The following PIWIL2 variants were observed in gnomAD, a reference collection of about 807,000 sequenced individuals.
The protein encoded by PIWIL2 is piwi like RNA-mediated gene silencing 2, also known as piwi-like protein 2.
PIWIL2 carries 81 observed loss-of-function variants against 116.5 expected under a neutral mutation model. That is an observed-to-expected ratio of 0.70 (90% CI 0.58 to 0.84). The LOEUF (loss-of-function observed/expected upper bound fraction) is 0.84, where lower values mean the gene tolerates loss of function less well. Ranked by LOEUF, PIWIL2 falls within the 40% of genes least tolerant of loss-of-function variation. The pLI is 0.00. For missense variants in PIWIL2, 1,272 were observed against 1,212.3 expected (o/e 1.05, Z -0.73); for synonymous variants, 489 against 429.5 (o/e 1.14, Z -1.71).
chr8:22,344,841 A>G (rs1832188817), intron 20 of PIWIL2, among the ~76,000 whole-genome samples: 1 of 152,176 alleles, frequency 6.6e-6, no homozygotes, highest in Non-Finnish European at 1.5e-5. Context: ...GTGCCGCTGC[A>G]CTCCAGCCTT....
Position 22,355,743 on chromosome 8 carries a change from C to T in PIWIL2, c.*238C>T, listed in dbSNP as rs1268205723. On this transcript the variant is annotated 3_prime_UTR_variant, in exon 23 of 23. Transcript: ENST00000356766. ...TGTAGAGCAAGTTACGGTGGTACTG[C>T]CACTCTGCAGGTGGAGCGGGTGACT... 6 of 499,398 alleles carry T rather than the reference C, an allele frequency of 1.2e-5. No homozygotes were observed. The highest frequency in any genetic ancestry group is 9.6e-5 in the Admixed American group (3 of 31,212). The allele number at this position is 499,398 out of a possible 1,614,324, so 30.9% of individuals were successfully genotyped here.
intron 20 of PIWIL2, among the ~76,000 whole-genome samples, chr8:22,342,087 C>G (rs771944118): frequency 6.6e-6 from 1 of 150,890 alleles, no homozygotes; most frequent in Non-Finnish European, 1.5e-5. Flanking sequence ...AAATGGAGTA[C>G]TTTGGTTTCA....
At position 22,311,233 on chromosome 8, in the gene PIWIL2, G is replaced by C. The variant is rs1255982747; in HGVS notation, c.1922G>C (p.Trp641Ser). The change falls in exon 16 of 23, where the codon TGG (tryptophan) becomes TCG (serine). Residue 641 changes from tryptophan (W) to serine (S), a missense_variant. Physicochemically the swap from Trp to Ser is radical, Grantham distance 177. Transcript: ENST00000356766. ...GGCATGCGTATGAGCCCACCGGCCT[G>C]GGTTGAACTAAAGGATGACCGAATA... ...PIGMRMSPPA[W>S]VELKDDRIET... 6.2e-7 allele frequency: 1 copy of C among 1,614,134 alleles called. No homozygotes were observed. Among genetic ancestry groups the C allele is most frequent in the Non-Finnish European group, 8.5e-7 (1 of 1,180,010 alleles).
chr8:22,343,281 G>A (rs945590903), intron 20 of PIWIL2, among the ~76,000 whole-genome samples: 2 of 152,116 alleles, frequency 1.3e-5, no homozygotes, highest in African/African-American at 4.8e-5. Context: ...GCGCATGACT[G>A]TAATCCTGTA....
At chr8:22,288,498 T>C (rs1475880722) in intron 7 of PIWIL2, 44 bp from the exon 8 acceptor site, 1 of 1,557,320 alleles carries the variant, frequency 6.4e-7, no homozygotes. Context: ...TCATTAGTTC[T>C]TAGTTTTGTC....
intron 10 of PIWIL2, among the ~76,000 whole-genome samples, chr8:22,301,442 C>T (rs769290267): frequency 3.9e-5 from 6 of 151,900 alleles, no homozygotes; most frequent in African/African-American, 9.7e-5. Context: ...TACAGGCATG[C>T]GCCACCACAC....
At chr8:22,338,595 G>C (rs1046393329) in intron 20 of PIWIL2, among the ~76,000 whole-genome samples, 1 of 152,084 alleles carries the variant, frequency 6.6e-6, no homozygotes, top group African/African-American at 2.4e-5. Context: ...GGGAGGCTGA[G>C]ACAGGAGAAT....
intron 20 of PIWIL2, among the ~76,000 whole-genome samples, chr8:22,320,748 G>A (rs184020096): frequency 7.9e-5 from 12 of 151,850 alleles, no homozygotes; most frequent in African/African-American, 2.2e-4. Flanking sequence ...CCGCCACCAC[G>A]CCTGGCTAAT....
At chr8:22,333,764 G>C (rs1339005671) in intron 20 of PIWIL2, among the ~76,000 whole-genome samples, 1 of 151,976 alleles carries the variant, frequency 6.6e-6, no homozygotes, top group African/African-American at 2.4e-5. Flanking sequence ...AAAAGTATGA[G>C]GTTTCTTTGT....
At chr8:22,321,546 T>G (rs191521145) in intron 20 of PIWIL2, among the ~76,000 whole-genome samples, 3 of 152,100 alleles carry the variant, frequency 2.0e-5, no homozygotes. Context: ...AGACCTCATC[T>G]CTACAAAAAA....
At chr8:22,327,896 C>G (rs1831764283) in intron 20 of PIWIL2, among the ~76,000 whole-genome samples, 1 of 152,188 alleles carries the variant, frequency 6.6e-6, no homozygotes, top group Non-Finnish European at 1.5e-5. Flanking sequence ...TCCCCCCATT[C>G]TTTAGATTTT....
intron 20 of PIWIL2, among the ~76,000 whole-genome samples, chr8:22,325,040 G>A (rs1483190387): frequency 6.6e-6 from 1 of 152,170 alleles, no homozygotes; most frequent in African/African-American, 2.4e-5. Flanking sequence ...GACAGCCGTA[G>A]CAGACTAATA....
chr8:22,352,145 A>C (rs1049830642), intron 20 of PIWIL2, among the ~76,000 whole-genome samples: 3 of 152,122 alleles, frequency 2.0e-5, no homozygotes, highest in African/African-American at 7.2e-5. Context: ...GGGTTTCAGC[A>C]TGTTGGCCAG....
Position 22,304,840 on chromosome 8 carries a change from C to T in PIWIL2, c.1427C>T (p.Pro476Leu), listed in dbSNP as rs1831137108. The change falls in exon 12 of 23, where the codon CCC becomes CTC. Residue 476 changes from proline (P) to leucine (L), a missense_variant. Coordinates refer to ENST00000356766, the MANE Select transcript of PIWIL2 (RefSeq NM_018068.5). ...GACCAGCCATTGCTGATTCACAGGC[C>T]CAGTGAGAGACAGGATAATCATGGG... ...EEDQPLLIHR[P>L]SERQDNHGML... The T allele has an allele frequency of 6.2e-7, 1 of 1,611,840 alleles. No homozygotes were observed. The highest frequency in any genetic ancestry group is 8.5e-7 in the Non-Finnish European group (1 of 1,177,994).
chr8:22,306,562 C>T (rs1001940754), intron 13 of PIWIL2, among the ~76,000 whole-genome samples: 3 of 152,058 alleles, frequency 2.0e-5, no homozygotes, highest in African/African-American at 4.8e-5. Flanking sequence ...ACCTAGGTGG[C>T]GTGAGTCCAG....
chr8:22,310,585 G>A (rs963203968), intron 15 of PIWIL2, among the ~76,000 whole-genome samples: 4 of 152,056 alleles, frequency 2.6e-5, no homozygotes, highest in East Asian at 1.9e-4. Flanking sequence ...AAATATAAAC[G>A]AAAAGCACAC....
chr8:22,303,553 C>T (rs1195203734), intron 10 of PIWIL2, among the ~76,000 whole-genome samples: 1 of 152,022 alleles, frequency 6.6e-6, no homozygotes, highest in Non-Finnish European at 1.5e-5. Context: ...CGCCACTACA[C>T]CTGGCTAATT....
At chr8:22,300,533 G>A (rs1027519846) in intron 10 of PIWIL2, among the ~76,000 whole-genome samples, 2 of 152,178 alleles carry the variant, frequency 1.3e-5, no homozygotes, top group Non-Finnish European at 2.9e-5. Flanking sequence ...CCTGGGAGCG[G>A]AATGGCGAGT....
At chr8:22,308,985 G>C (rs956984442) in intron 14 of PIWIL2, among the ~76,000 whole-genome samples, 4 of 151,410 alleles carry the variant, frequency 2.6e-5, no homozygotes, top group Non-Finnish European at 5.9e-5. Flanking sequence ...TTTTAAGATG[G>C]GGTTTCATTC....
Sources: gnomAD v4.1 joint callset for allele counts (sites outside exome capture counted in the v4.1 genomes callset) on GRCh38, gnomAD v4.1.1 for gene constraint, MANE v1.5 for transcripts, NCBI Gene and HGNC (gene_info 2026-07-23, HGNC 2026-07-21) for gene names.